RARB: variants seen among roughly 807,000 people sequenced by gnomAD.
The protein encoded by RARB is HBV-activated protein.
Under a neutral mutation model 51.9 loss-of-function variants are expected in RARB, and 17 were observed. The observed-to-expected ratio is 0.33, with a 90% CI of 0.22 to 0.49. RARB has a LOEUF of 0.49. RARB is among the 20% of genes least tolerant of loss of function. The probability of loss-of-function intolerance (pLI) is 0.99; values close to 1 mark genes in which losing one functional copy is unlikely to be tolerated. For missense variants in RARB, 369 were observed against 550.8 expected (o/e 0.67, Z 3.30); for synonymous variants, 215 against 195.4 (o/e 1.10, Z -0.84).
chr3:25,267,147 T>C (rs538409972), intron 5 of RARB, among the ~76,000 whole-genome samples: 20 of 152,206 alleles, frequency 1.3e-4, no homozygotes, highest in South Asian at 2.1e-4. Flanking sequence ...TACAGCAGAT[T>C]GTACCGAGTG....
chr3:24,991,660 A>C (rs1297443407), intron 2 of RARB, among the ~76,000 whole-genome samples: 1 of 152,116 alleles, frequency 6.6e-6, no homozygotes, highest in Non-Finnish European at 1.5e-5. Context: ...GGGTTTAGGA[A>C]ATTGCCTACC....
chr3:24,842,282 G>A (rs1702429193), intron 1 of RARB, among the ~76,000 whole-genome samples: 1 of 152,168 alleles, frequency 6.6e-6, no homozygotes, highest in Non-Finnish European at 1.5e-5. Flanking sequence ...GCTATAGTTA[G>A]GTCAGCACAT....
intron 2 of RARB, among the ~76,000 whole-genome samples, chr3:25,479,455 C>T (rs1230841720): frequency 6.6e-6 from 1 of 152,126 alleles, no homozygotes; most frequent in Non-Finnish European, 1.5e-5. Context: ...ATTAAAACCC[C>T]AAAAGCTATT....
At position 25,021,749 on chromosome 3, in the gene RARB, G is replaced by T. The variant is rs189654386; in HGVS notation, c.-379-38376G>T. ...CGAGGACCTATAATGTCCAAATGTT[G>T]TACTGAGTGCCAAAGAAACAGTGTT... is the stretch of plus-strand genomic sequence containing the variant. On this transcript the variant is annotated intron_variant, in intron 2 of 11. Coordinates refer to the RARB transcript ENST00000383772. Among the ~76,000 whole-genome samples, 587 of 151,864 alleles carry T rather than the reference G, an allele frequency of 3.9e-3. 2 individuals are homozygous for T. The highest frequency in any genetic ancestry group is 7.0e-3 in the Non-Finnish European group (473 of 67,960).
Position 25,218,505 on chromosome 3 carries a change from C to T in RARB, c.178+43930C>T, listed in dbSNP as rs531818603. Among the ~76,000 whole-genome samples, 17 of 152,266 alleles carry T rather than the reference C, an allele frequency of 1.1e-4. No individual in the cohort carries two copies. In the South Asian group the frequency reaches 3.5e-3, roughly 32 times the overall value. ...TTTTCAAAGTGGAAGAAATTCTCCT[C>T]TCTGAATGCTGTGGCTGAAACCAGA... On this transcript the variant is annotated intron_variant, in intron 5 of 11. Transcript: ENST00000383772.
At chr3:25,529,654 G>A (rs569428626) in intron 3 of RARB, among the ~76,000 whole-genome samples, 15 of 152,180 alleles carry the variant, frequency 9.9e-5, no homozygotes, top group Admixed American at 5.9e-4. Context: ...AGGGAACTTC[G>A]GGGGTGTTGG....
At chr3:24,999,330 G>A (rs1330842234) in intron 2 of RARB, among the ~76,000 whole-genome samples, 2 of 152,110 alleles carry the variant, frequency 1.3e-5, no homozygotes, top group African/African-American at 4.8e-5. Flanking sequence ...CCATACTTTG[G>A]TGTAAAAGTG....
At chr3:24,979,564 C>T (rs1448455694) in intron 2 of RARB, among the ~76,000 whole-genome samples, 3 of 151,198 alleles carry the variant, frequency 2.0e-5, no homozygotes. Context: ...TGCAACTCCT[C>T]CTGTTTTTTT....
chr3:24,839,299 T>C (rs534960128), intron 1 of RARB, among the ~76,000 whole-genome samples: 1 of 152,198 alleles, frequency 6.6e-6, no homozygotes, highest in South Asian at 2.1e-4. Context: ...TTAACCTTAT[T>C]TGAGTGCCTA....
intron 4 of RARB, among the ~76,000 whole-genome samples, chr3:25,144,550 G>T (rs1700157602): frequency 6.6e-6 from 1 of 152,118 alleles, no homozygotes; most frequent in South Asian, 2.1e-4. Flanking sequence ...GATGTAGCAA[G>T]GCCAAAAAAG....
chr3:25,496,915 A>G (rs999520165), intron 2 of RARB, among the ~76,000 whole-genome samples: 1 of 151,936 alleles, frequency 6.6e-6, no homozygotes, highest in African/African-American at 2.4e-5. Flanking sequence ...ACGGAGTTTC[A>G]CTCTTGTTAC....
chr3:25,412,255 TC>T (rs1707582605), intron 5 of RARB, among the ~76,000 whole-genome samples: 1 of 152,238 alleles, frequency 6.6e-6, no homozygotes, highest in South Asian at 2.1e-4. Context: ...ACTTAATCAC[TC>T]AGATCTTTAT....
intron 3 of RARB, among the ~76,000 whole-genome samples, chr3:25,128,491 T>G (rs1699895893): frequency 6.7e-6 from 1 of 149,506 alleles, no homozygotes; most frequent in Non-Finnish European, 1.5e-5. Context: ...ATCTAGTATA[T>G]AATATATACT....
intron 1 of RARB, among the ~76,000 whole-genome samples, chr3:24,845,323 G>T (rs925088679): frequency 3.3e-5 from 5 of 152,198 alleles, no homozygotes; most frequent in Non-Finnish European, 7.3e-5. Flanking sequence ...AGAAAGCAGT[G>T]CAATAATGGT....
chr3:25,171,658 A>C (rs1375163068), intron 4 of RARB, among the ~76,000 whole-genome samples: 1 of 148,890 alleles, frequency 6.7e-6, no homozygotes, highest in African/African-American at 2.5e-5. Context: ...AAAAAAAAAA[A>C]AAACAGCTTT....
At chr3:25,239,878 G>T (rs1449117558) in intron 5 of RARB, among the ~76,000 whole-genome samples, 1 of 151,998 alleles carries the variant, frequency 6.6e-6, no homozygotes, top group Non-Finnish European at 1.5e-5. Context: ...AGTTGCTTTG[G>T]GTAGTATCTT....
intron 2 of RARB, among the ~76,000 whole-genome samples, chr3:25,012,305 A>G (rs1697416017): frequency 6.6e-6 from 1 of 152,152 alleles, no homozygotes; most frequent in African/African-American, 2.4e-5. Flanking sequence ...CTTATTAAAA[A>G]GAAAGTGGTT....
At chr3:25,119,630 A>T (rs546956811) in intron 3 of RARB, among the ~76,000 whole-genome samples, 2 of 151,946 alleles carry the variant, frequency 1.3e-5, no homozygotes, top group Admixed American at 1.3e-4. Flanking sequence ...GCCTAACACC[A>T]CAAGTGAAAA....
chr3:25,350,254 CA>C (rs1705521312), intron 5 of RARB, among the ~76,000 whole-genome samples: 1 of 152,104 alleles, frequency 6.6e-6, no homozygotes, highest in African/African-American at 2.4e-5. Context: ...CCCACCAAAG[CA>C]ACCGCCTACT....
Sources: allele counts gnomAD v4.1 joint callset (sites outside exome capture counted in the v4.1 genomes callset), GRCh38; gene constraint gnomAD v4.1.1; transcripts MANE v1.5; gene names NCBI Gene and HGNC (gene_info 2026-07-23, HGNC 2026-07-21).